Variants in CREB3L2 observed in about 807,000 individuals in gnomAD.
CREB3L2 encodes the protein cAMP responsive element binding protein 3 like 2, also known as cyclic AMP-responsive element-binding protein 3-like protein 2.
A neutral mutation model predicts 57.2 loss-of-function variants in CREB3L2; 23 were observed. That is an observed-to-expected ratio of 0.40 (90% CI 0.29 to 0.57). The LOEUF (loss-of-function observed/expected upper bound fraction) is 0.57, where lower values mean the gene tolerates loss of function less well. Ranked by LOEUF, CREB3L2 falls within the 20% of genes least tolerant of loss-of-function variation. CREB3L2 has a pLI of 0.42. For missense variants in CREB3L2, 628 were observed against 634.7 expected (o/e 0.99, Z 0.11); for synonymous variants, 268 against 265.1 (o/e 1.01, Z -0.11).
chr7:137,970,205 T>C (rs911655813), intron 1 of CREB3L2, among the ~76,000 whole-genome samples: 1 of 152,230 alleles, frequency 6.6e-6, no homozygotes, highest in Admixed American at 6.5e-5. Context: ...GAGAGTTAAA[T>C]GTAATAAGTC....
chr7:137,975,868 C>T (rs1192389399), intron 1 of CREB3L2, among the ~76,000 whole-genome samples: 1 of 152,164 alleles, frequency 6.6e-6, no homozygotes, highest in Non-Finnish European at 1.5e-5. Context: ...AGTAGTTTTG[C>T]CCTTAAAAGG....
chr7:137,970,494 C>T (rs1210461777), intron 1 of CREB3L2, among the ~76,000 whole-genome samples: 2 of 150,612 alleles, frequency 1.3e-5, no homozygotes, highest in Non-Finnish European at 2.9e-5. Flanking sequence ...AACTAAGTTT[C>T]CTAACTTTAC....
rs112466088 is a variant in CREB3L2 at position 137,979,320 on chromosome 7, G to T, written c.102+22284C>A. 2.7e-3 allele frequency among the ~76,000 whole-genome samples: 412 copies of T among 152,322 alleles called. 6 individuals carry two copies. Among genetic ancestry groups the T allele is most frequent in the African/African-American group, 9.1e-3 (377 of 41,582 alleles). ...TTCCTGTTCCTACCCTCCAGGGTCA[G>T]GATGGCAGGCTCTGCCAGGCTGACC... On this transcript the variant is annotated intron_variant, in intron 1 of 11. Coordinates refer to ENST00000330387, the MANE Select transcript of CREB3L2 (RefSeq NM_194071.4).
At chr7:137,930,262 C>G (rs1800587581) in intron 1 of CREB3L2, among the ~76,000 whole-genome samples, 1 of 152,214 alleles carries the variant, frequency 6.6e-6, no homozygotes, top group Admixed American at 6.5e-5. Context: ...TCTTAACATT[C>G]TCTGAATCAC....
At chr7:137,934,806 G>C (rs1344291710) in intron 1 of CREB3L2, among the ~76,000 whole-genome samples, 2 of 152,184 alleles carry the variant, frequency 1.3e-5, no homozygotes, top group Admixed American at 1.3e-4. Flanking sequence ...CAACATCACA[G>C]AATCTCTCAG....
intron 1 of CREB3L2, among the ~76,000 whole-genome samples, chr7:137,936,181 T>C (rs943050794): frequency 6.6e-6 from 1 of 152,212 alleles, no homozygotes; most frequent in Non-Finnish European, 1.5e-5. Flanking sequence ...GTCAGTCTTA[T>C]AAAGACAGAG....
At chr7:137,986,225 T>C (rs1343175762) in intron 1 of CREB3L2, among the ~76,000 whole-genome samples, 2 of 152,252 alleles carry the variant, frequency 1.3e-5, no homozygotes, top group East Asian at 1.9e-4. Context: ...ACACCTACCA[T>C]GCGCACAGCA....
At chr7:137,985,597 T>G (rs1801779659) in intron 1 of CREB3L2, among the ~76,000 whole-genome samples, 1 of 152,114 alleles carries the variant, frequency 6.6e-6, no homozygotes, top group Admixed American at 6.5e-5. Context: ...AAGACTATTT[T>G]CATTAGGAAA....
intron 1 of CREB3L2, among the ~76,000 whole-genome samples, chr7:137,952,971 C>T (rs1563264202): frequency 6.6e-6 from 1 of 152,172 alleles, no homozygotes; most frequent in Non-Finnish European, 1.5e-5. Flanking sequence ...CGCCTGCCAC[C>T]ACGCCTGGAT....
chr7:137,997,743 A>G (rs1802010796), intron 1 of CREB3L2, among the ~76,000 whole-genome samples: 1 of 149,974 alleles, frequency 6.7e-6, no homozygotes, highest in Non-Finnish European at 1.5e-5. Context: ...AAAATAAAAT[A>G]AAATAAAATA....
chr7:137,904,094 C>G (rs115869560), intron 6 of CREB3L2, 77 bp from the exon 7 acceptor site: 2 of 1,229,782 alleles, frequency 1.6e-6, no homozygotes, highest in East Asian at 4.6e-5. Context: ...AGGTGGTTAG[C>G]GTAGAAGTCA....
chr7:137,944,183 C>T (rs1348224223), intron 1 of CREB3L2, among the ~76,000 whole-genome samples: 4 of 152,130 alleles, frequency 2.6e-5, no homozygotes, highest in Non-Finnish European at 5.9e-5. Flanking sequence ...TTTGTTTAAA[C>T]AGATTTTTGC....
chr7:137,986,773 T>C (rs1801798250), intron 1 of CREB3L2, among the ~76,000 whole-genome samples: 1 of 152,228 alleles, frequency 6.6e-6, no homozygotes, highest in East Asian at 1.9e-4. Flanking sequence ...AGTCTGTATT[T>C]CAGTCAAAAG....
intron 2 of CREB3L2, among the ~76,000 whole-genome samples, chr7:137,919,147 G>C (rs914709090): frequency 1.3e-5 from 2 of 151,444 alleles, no homozygotes. Flanking sequence ...GTTATAAAGA[G>C]ATTTAAGGCC....
chr7:137,928,111 G>C (rs1172622448), intron 2 of CREB3L2, 39 bp downstream of exon 2: 2 of 1,490,292 alleles, frequency 1.3e-6, no homozygotes, highest in East Asian at 4.9e-5. Context: ...CAGAACCAAA[G>C]GCGCTAAGGT....
chr7:137,947,726 T>C (rs1310922292), intron 1 of CREB3L2, among the ~76,000 whole-genome samples: 1 of 152,164 alleles, frequency 6.6e-6, no homozygotes, highest in Admixed American at 6.5e-5. Context: ...AAAGAAACTT[T>C]TACAGGAAAA....
chr7:137,919,360 C>T (rs1014287990), intron 2 of CREB3L2, among the ~76,000 whole-genome samples: 4 of 151,958 alleles, frequency 2.6e-5, no homozygotes, highest in Admixed American at 6.6e-5. Flanking sequence ...TTAGTAGAGA[C>T]GGGGTTTCAC....
chr7:137,891,830 C>A (rs273932), intron 8 of CREB3L2, among the ~76,000 whole-genome samples: 110 of 152,004 alleles, frequency 7.2e-4, no homozygotes, highest in African/African-American at 2.3e-3. Context: ...CCGCCCACCT[C>A]GGCCTCCCAA....
At chr7:137,958,174 C>T (rs879565869) in intron 1 of CREB3L2, among the ~76,000 whole-genome samples, 1 of 152,288 alleles carries the variant, frequency 6.6e-6, no homozygotes, top group South Asian at 2.1e-4. Context: ...TCAATTTGAA[C>T]AGTTCACACT....
Sources: allele counts gnomAD v4.1 joint callset (sites outside exome capture counted in the v4.1 genomes callset), GRCh38; gene constraint gnomAD v4.1.1; transcripts MANE v1.5; gene names NCBI Gene and HGNC (gene_info 2026-07-23, HGNC 2026-07-21).